The following FBLN1 variants were observed in gnomAD, a reference collection of about 807,000 sequenced individuals.
FBLN1 encodes the protein fibulin 1.
FBLN1 carries 34 observed loss-of-function variants against 89.7 expected under a neutral mutation model. The ratio of observed to expected loss-of-function variants is 0.38; its 90% CI spans 0.29 to 0.50. The LOEUF is 0.50. Among genes scored for constraint, FBLN1 ranks in the 20% least tolerant of loss-of-function variants. The probability of loss-of-function intolerance (pLI) is 0.92; values close to 1 mark genes in which losing one functional copy is unlikely to be tolerated. For synonymous variants in FBLN1, 393 were observed against 391.3 expected (o/e 1.00, Z -0.05); for missense variants, 777 against 988.1 (o/e 0.79, Z 2.86).
At position 45,537,981 on chromosome 22, in the gene FBLN1, A is replaced by C. The variant is rs2088504870; in HGVS notation, c.922+2644A>C. On this transcript the variant is annotated intron_variant, in intron 8 of 16. Transcript: ENST00000327858. This position sits in a 1 kb window ranked among gnomAD's most constrained non-coding sequence, Gnocchi z 5.7. Reference sequence around the variant, plus strand: ...CATGGCAAAATCAGCCCCGATTTCCACAAAGAGGCAATGTTTGCAAGTCTC... The same window carrying C: ...CATGGCAAAATCAGCCCCGATTTCCCCAAAGAGGCAATGTTTGCAAGTCTC... Among the ~76,000 whole-genome samples the C allele has an allele frequency of 6.6e-6, 1 of 152,202 alleles. No individual in the cohort carries two copies. The highest frequency in any genetic ancestry group is 1.5e-5 in the Non-Finnish European group (1 of 68,036).
rs543892006 is a variant in FBLN1, at chr22:45,554,691, T to C, written c.1697+4076T>C. 2.6e-5 allele frequency among the ~76,000 whole-genome samples: 4 copies of C among 152,338 alleles called. No individual in the cohort carries two copies. In the East Asian group the frequency reaches 7.7e-4, roughly 29 times the overall value. On this transcript the variant is annotated intron_variant, in intron 14 of 16. Coordinates refer to ENST00000327858, the MANE Select transcript of FBLN1 (RefSeq NM_006486.3). ...GAAGGCCAGGACGAGAGGATGCTCC[T>C]GACCTCAGAATCCAGACACAGCCCA...
In FBLN1 at chr22:45,600,722, G is replaced by T; in HGVS notation, c.*276G>T. 1 of 494,610 alleles carries T rather than the reference G, an allele frequency of 2.0e-6. No homozygotes were observed. Among genetic ancestry groups the T allele is most frequent in the East Asian group, 3.8e-5 (1 of 25,986 alleles). The allele number at this position is 494,610 out of a possible 1,614,324, so 30.6% of individuals were successfully genotyped here. A position where few individuals can be genotyped will look rare whatever the true frequency, so the allele number is the denominator to read the frequency against. On this transcript the variant is annotated 3_prime_UTR_variant, in exon 17 of 17. Transcript: ENST00000327858. ...CACCCCCTTTCTCTGCCTCTGGCTG[G>T]GCCTTGCTAAGGGCCAAGGAAAGAA...
Position 45,562,993 on chromosome 22 carries a change from C to A in FBLN1, c.1698-11518C>A, listed in dbSNP as rs2088866535. On this transcript the variant is annotated intron_variant, in intron 14 of 16. Transcript: ENST00000327858. The surrounding 1 kb of genome is among the most constrained non-coding windows in gnomAD (Gnocchi z 7.8). Reference sequence around the variant, plus strand: ...GAATAACCTACTACCACCTCTCTTTCCCCACCAACATCCAAGCGCCCGCGG... The same window carrying A: ...GAATAACCTACTACCACCTCTCTTTACCCACCAACATCCAAGCGCCCGCGG... The A allele has an allele frequency of 6.2e-7, 1 of 1,613,836 alleles. No homozygotes were observed. The highest frequency in any genetic ancestry group is 1.3e-5 in the African/African-American group (1 of 75,030).
intron 3 of FBLN1, 69 bp from the exon 4 acceptor site, chr22:45,527,778 A>G: frequency 1.3e-6 from 2 of 1,567,922 alleles, no homozygotes; most frequent in Non-Finnish European, 1.7e-6. Flanking sequence ...GCCTCCCCTG[A>G]GGCCTCTCGT....
In FBLN1 at chr22:45,600,571, A is replaced by C; in HGVS notation, c.*125A>C. 9.0e-7 allele frequency: 1 copy of C among 1,109,132 alleles called. No individual in the cohort carries two copies. The allele number at this position is 1,109,132 out of a possible 1,614,324, so 68.7% of individuals were successfully genotyped here. Reference sequence around the variant, plus strand: ...GTTAGGTATTTGTAGCATTAGGCCAACATGTATTAAGCTGAGCCAGATGAA... The same window carrying C: ...GTTAGGTATTTGTAGCATTAGGCCACCATGTATTAAGCTGAGCCAGATGAA... On this transcript the variant is annotated 3_prime_UTR_variant, in exon 17 of 17. Coordinates refer to ENST00000327858, the MANE Select transcript of FBLN1 (RefSeq NM_006486.3).
chr22:45,517,505 A>G, intron 1 of FBLN1: 1 of 468,616 alleles, frequency 2.1e-6, no homozygotes, highest in Non-Finnish European at 4.4e-6. Context: ...TGCCCAGCTC[A>G]TTTGGGCCGT....
chr22:45,591,639 C>T (rs1283326746), intron 16 of FBLN1, among the ~76,000 whole-genome samples: 1 of 152,160 alleles, frequency 6.6e-6, no homozygotes. Flanking sequence ...TGGCGTTTCT[C>T]AGCCAAGCAG....
intron 14 of FBLN1, among the ~76,000 whole-genome samples, chr22:45,566,716 G>C (rs945788004): frequency 6.6e-6 from 1 of 152,178 alleles, no homozygotes; most frequent in Non-Finnish European, 1.5e-5. Context: ...CTGGGTGTTC[G>C]TGTGGCTTTT....
At chr22:45,507,563 T>C (rs2088039170) in intron 1 of FBLN1, among the ~76,000 whole-genome samples, 1 of 152,180 alleles carries the variant, frequency 6.6e-6, no homozygotes, top group Admixed American at 6.5e-5. Flanking sequence ...GGTCTCACTC[T>C]GCCGGCCAGG....
Position 45,600,829 on chromosome 22 carries a change from G to T in FBLN1, c.*383G>T. 1 of 290,764 alleles carries T rather than the reference G, an allele frequency of 3.4e-6. No individual in the cohort carries two copies. The highest frequency in any genetic ancestry group is 6.6e-6 in the Non-Finnish European group (1 of 151,928). The allele number at this position is 290,764 out of a possible 1,614,324, so 18.0% of individuals were successfully genotyped here. On this transcript the variant is annotated 3_prime_UTR_variant, in exon 17 of 17. Coordinates refer to ENST00000327858, the MANE Select transcript of FBLN1 (RefSeq NM_006486.3). Reference sequence around the variant, plus strand: ...TGATTGTATGAAATTTGACATTTTGGCACTTTTTTTTTTTTTTTGGCCAAT... The same window carrying T: ...TGATTGTATGAAATTTGACATTTTGTCACTTTTTTTTTTTTTTTGGCCAAT...
At chr22:45,560,549 C>T (rs1055097313) in intron 14 of FBLN1, among the ~76,000 whole-genome samples, 15 of 152,180 alleles carry the variant, frequency 9.9e-5, no homozygotes, top group Non-Finnish European at 2.9e-5. Flanking sequence ...GCTAAACCAG[C>T]AAATAAACTA....
chr22:45,504,165 C>T (rs1786860361), intron 1 of FBLN1, among the ~76,000 whole-genome samples: 1 of 147,152 alleles, frequency 6.8e-6, no homozygotes, highest in Non-Finnish European at 1.5e-5. Context: ...CAAAAGGTCG[C>T]TTGTCCCAAC....
At chr22:45,518,051 G>A (rs1274307043) in intron 1 of FBLN1, among the ~76,000 whole-genome samples, 4 of 145,040 alleles carry the variant, frequency 2.8e-5, no homozygotes, top group Non-Finnish European at 4.5e-5. Context: ...AGAATCACTC[G>A]AACCTGGGAG....
At chr22:45,564,749 C>G in intron 14 of FBLN1, 2 of 1,071,760 alleles carry the variant, frequency 1.9e-6, no homozygotes, top group South Asian at 2.7e-5. Flanking sequence ...TGCGGTGTTC[C>G]CAGCTCCTTG....
rs189048520 is a variant in FBLN1 at position 45,584,152 on chromosome 22, C to T, written c.1972+7044C>T. 6.6e-5 allele frequency among the ~76,000 whole-genome samples: 10 copies of T among 152,250 alleles called. No individual in the cohort carries two copies. In the East Asian group the frequency reaches 1.5e-3, roughly 24 times the overall value. On this transcript the variant is annotated intron_variant, in intron 16 of 16. Coordinates refer to ENST00000327858, the MANE Select transcript of FBLN1 (RefSeq NM_006486.3). The stretch of plus-strand genomic sequence containing the variant: ...GCCCTGCTCTGGTGTGGGAGTTAAA[C>T]GCACATTCAGAATGCGTGCCGAGGC...
chr22:45,586,031 A>AT (rs35911989), intron 16 of FBLN1, among the ~76,000 whole-genome samples: 102,879 of 151,994 alleles, frequency 0.68, 35,610 homozygotes, highest in African/African-American at 0.8. Flanking sequence ...GCTTGGTAGC[A>AT]TTAATGGGGT....
At position 45,562,408 on chromosome 22, in the gene FBLN1, C is replaced by T. The variant is rs972820548; in HGVS notation, c.1697+11793C>T. 3.9e-5 allele frequency among the ~76,000 whole-genome samples: 6 copies of T among 152,260 alleles called. No individual in the cohort carries two copies. Among genetic ancestry groups the T allele is most frequent in the African/African-American group, 7.2e-5 (3 of 41,470 alleles). On this transcript the variant is annotated intron_variant, in intron 14 of 16. Coordinates refer to ENST00000327858, the MANE Select transcript of FBLN1 (RefSeq NM_006486.3). This position sits in a 1 kb window ranked among gnomAD's most constrained non-coding sequence, Gnocchi z 7.8. ...CATGTGAAAAATATCACCGAAGCCA[C>T]TGTCATGGGGTGGTGGCAGTGATCA...
chr22:45,542,162 C>T lies in FBLN1; in HGVS notation c.1074C>T (p.Asp358=), dbSNP rs147528917. The change falls in exon 10 of 17, where the codon GAC becomes GAT. Residue 358 remains aspartate, a synonymous_variant. Coordinates refer to ENST00000327858, the MANE Select transcript of FBLN1 (RefSeq NM_006486.3). ...TTCTTTCTCCTTTGCAAGATGTGGA[C>T]GAGTGCGCGCCACCTGCTGAGCCCT... ...NEEGTRCVDV[D]ECAPPAEPCG... is the part of the protein sequence containing the mutation. 80 of 1,614,194 alleles carry T rather than the reference C, an allele frequency of 5.0e-5. 1 individual carries two copies. In the African/African-American group the frequency reaches 6.8e-4, roughly 14 times the overall value.
rs2087963293 is a variant in FBLN1 at position 45,502,922 on chromosome 22, C to T, written c.-64C>T. On this transcript the variant is annotated 5_prime_UTR_variant, in exon 1 of 17. Coordinates refer to ENST00000327858, the MANE Select transcript of FBLN1 (RefSeq NM_006486.3). ...CTCGGCCGGAGCGTGGAGCCCGCGCCGCTGCCCCAGGACCGCGCCCGCGCC... is the reference window on the plus strand; with the variant it reads ...CTCGGCCGGAGCGTGGAGCCCGCGCTGCTGCCCCAGGACCGCGCCCGCGCC... The T allele has an allele frequency of 1.5e-6, 1 of 679,900 alleles. No homozygotes were observed. The highest frequency in any genetic ancestry group is 5.8e-5 in the Admixed American group (1 of 17,218). 42.1% of individuals were successfully genotyped at this position (679,900 alleles called of 1,614,324 possible).
Sources: allele counts gnomAD v4.1 joint callset (sites outside exome capture counted in the v4.1 genomes callset), GRCh38; gene constraint gnomAD v4.1.1; non-coding constraint Gnocchi (gnomAD v3.1); transcripts MANE v1.5; gene names NCBI Gene and HGNC (gene_info 2026-07-23, HGNC 2026-07-21).